The following SLC1A3 variants were observed in gnomAD, a reference collection of about 807,000 sequenced individuals.
The protein encoded by SLC1A3 is solute carrier family 1 member 3, also known as excitatory amino acid transporter 1.
SLC1A3 carries 21 observed loss-of-function variants against 48.1 expected under a neutral mutation model. The ratio of observed to expected loss-of-function variants is 0.44; its 90% confidence interval spans 0.31 to 0.63. SLC1A3 has a LOEUF of 0.63. Ranked by LOEUF, SLC1A3 falls within the 20% of genes least tolerant of loss-of-function variation. SLC1A3 has a pLI of 0.08. For synonymous variants in SLC1A3, 239 were observed against 251.4 expected (o/e 0.95, Z 0.47); for missense variants, 546 against 689.0 (o/e 0.79, Z 2.32).
chr5:36,619,991 T>C (rs1459314204), intron 2 of SLC1A3, among the ~76,000 whole-genome samples: 1 of 152,180 alleles, frequency 6.6e-6, no homozygotes, highest in Admixed American at 6.5e-5. Context: ...CCCATTCCAA[T>C]TGATCTCTCT....
Position 36,646,896 on chromosome 5 carries a change from C to T in SLC1A3, c.319+17309C>T, listed in dbSNP as rs537754911. On this transcript the variant is annotated intron_variant, in intron 3 of 9. Transcript: ENST00000265113. ...TTTTTGCAGGTGTAAGTCATTCCTG[C>T]CTCAGTGGAGTACAAAGAGTGATGT... Among the ~76,000 whole-genome samples the T allele has an allele frequency of 2.6e-5, 4 of 152,254 alleles. No homozygotes were observed. In the South Asian group the frequency reaches 8.3e-4, roughly 32 times the overall value.
intron 3 of SLC1A3, chr5:36,669,828 A>G (rs1407606650): frequency 1.3e-5 from 2 of 152,110 alleles, no homozygotes; most frequent in Non-Finnish European, 2.9e-5. Flanking sequence ...TAGAGTTCAC[A>G]CAAACTCTAA....
In SLC1A3 at chr5:36,600,309, T is replaced by C. The variant is rs116514827; in HGVS notation, c.-96+3631T>C. On this transcript the variant is annotated intron_variant, in intron 1 of 9. Coordinates refer to the SLC1A3 transcript ENST00000680318. ...ATGAGATTTGATTGGAACAAAGGGTTAAAAAAAATTGAAACCCAGACCTCA... is the reference window on the plus strand; with the variant it reads ...ATGAGATTTGATTGGAACAAAGGGTCAAAAAAAATTGAAACCCAGACCTCA... Among the ~76,000 whole-genome samples, 925 of 151,920 alleles carry C rather than the reference T, an allele frequency of 6.1e-3. 12 individuals carry two copies. Among genetic ancestry groups the C allele is most frequent in the African/African-American group, 0.021 (863 of 41,396 alleles).
intron 2 of SLC1A3, chr5:36,608,905 G>T (rs778388846): frequency 2.0e-5 from 22 of 1,090,948 alleles, no homozygotes; most frequent in Non-Finnish European, 2.5e-5. Flanking sequence ...TAATCATTAG[G>T]CATGACAAAG....
intron 3 of SLC1A3, among the ~76,000 whole-genome samples, chr5:36,641,029 T>C (rs1278710881): frequency 6.6e-6 from 1 of 151,788 alleles, no homozygotes; most frequent in Non-Finnish European, 1.5e-5. Context: ...CAAGAGCTGA[T>C]CACTTGAACA....
intron 3 of SLC1A3, among the ~76,000 whole-genome samples, chr5:36,665,333 T>C (rs1314966082): frequency 1.3e-5 from 2 of 152,170 alleles, no homozygotes; most frequent in African/African-American, 4.8e-5. Flanking sequence ...GACACTATGC[T>C]AGGCACTGAG....
chr5:36,626,231 C>T (rs1739898782), intron 2 of SLC1A3, among the ~76,000 whole-genome samples: 1 of 152,122 alleles, frequency 6.6e-6, no homozygotes, highest in Non-Finnish European at 1.5e-5. Context: ...TCAGATGAGA[C>T]TCTGGAAGAT....
At chr5:36,683,150 C>T (rs1580049816) in intron 8 of SLC1A3, among the ~76,000 whole-genome samples, 1 of 152,206 alleles carries the variant, frequency 6.6e-6, no homozygotes, top group South Asian at 2.1e-4. Context: ...CAACCCTCCA[C>T]TTGGATAGGG....
At chr5:36,651,951 T>C (rs1741095655) in intron 3 of SLC1A3, among the ~76,000 whole-genome samples, 1 of 152,184 alleles carries the variant, frequency 6.6e-6, no homozygotes, top group Non-Finnish European at 1.5e-5. Context: ...ATTACACTGC[T>C]TCCCTGAGCA....
At chr5:36,601,486 G>A (rs1001039450), upstream of SLC1A3, among the ~76,000 whole-genome samples, 2 of 152,190 alleles carry the variant, frequency 1.3e-5, no homozygotes, top group South Asian at 4.1e-4. Context: ...ACTGGGAAAG[G>A]AGAGCATGTG....
intron 9 of SLC1A3, among the ~76,000 whole-genome samples, chr5:36,684,405 G>C (rs1221643986): frequency 6.6e-6 from 1 of 152,208 alleles, no homozygotes; most frequent in African/African-American, 2.4e-5. Context: ...ATTCCAGTGG[G>C]AATGATTTTC....
chr5:36,597,233 C>CTTTTTT (rs70976237), intron 1 of SLC1A3, among the ~76,000 whole-genome samples: 4,065 of 46,216 alleles, frequency 0.088, 923 homozygotes, highest in East Asian at 0.13. Context: ...TTCTTCCTTT[C>CTTTTTT]TTTTTTTTTT....
intron 3 of SLC1A3, among the ~76,000 whole-genome samples, chr5:36,632,135 G>A (rs940354025): frequency 4.6e-5 from 7 of 152,280 alleles, no homozygotes; most frequent in Middle Eastern, 3.4e-3. Context: ...GATGATAAAC[G>A]GAGAGGGACC....
At chr5:36,597,188 C>G (rs1230108831) in intron 1 of SLC1A3, among the ~76,000 whole-genome samples, 1 of 140,184 alleles carries the variant, frequency 7.1e-6, no homozygotes, top group Non-Finnish European at 1.5e-5. Context: ...TAATATAAAC[C>G]TATTTTTGAT....
chr5:36,653,636 A>G (rs4869681), intron 3 of SLC1A3, among the ~76,000 whole-genome samples: 126,845 of 152,098 alleles, frequency 0.83, 54,577 homozygotes, highest in Non-Finnish European at 0.94. Context: ...TGGGCCCCTC[A>G]CTTCTGACAC....
At chr5:36,601,397 G>T (rs1738806059) in intron 1 of SLC1A3, among the ~76,000 whole-genome samples, 1 of 152,174 alleles carries the variant, frequency 6.6e-6, no homozygotes, top group African/African-American at 2.4e-5. Context: ...CCCGTTATTG[G>T]CATGACATGA....
Position 36,671,082 on chromosome 5 carries a change from G to A in SLC1A3, c.373G>A (p.Val125Ile), listed in dbSNP as rs756691670. 2 of 1,614,064 alleles carry A rather than the reference G, an allele frequency of 1.2e-6. No individual in the cohort carries two copies. Among genetic ancestry groups the A allele is most frequent in the East Asian group, 2.2e-5 (1 of 44,884 alleles). Residue 125 changes from valine (V) to isoleucine (I), a missense_variant, in exon 4 of 10, where the codon GTC (valine) becomes ATC (isoleucine). Val to Ile is a conservative substitution (Grantham distance 29, BLOSUM62 3). Transcript: ENST00000265113. ...ASGKMGMRAV[V>I]YYMTTTIIAV... ...AGGGAAGATGGGAATGCGAGCTGTAGTCTATTATATGACTACCACCATCAT... is the reference window on the plus strand; with the variant it reads ...AGGGAAGATGGGAATGCGAGCTGTAATCTATTATATGACTACCACCATCAT...
chr5:36,664,413 T>G (rs1037048534), intron 3 of SLC1A3, among the ~76,000 whole-genome samples: 5 of 122,152 alleles, frequency 4.1e-5, no homozygotes, highest in Non-Finnish European at 9.0e-5. Context: ...AATTACAGGT[T>G]TGAGCCACCA....
intron 3 of SLC1A3, among the ~76,000 whole-genome samples, chr5:36,635,365 G>T (rs767955630): frequency 1.3e-5 from 2 of 152,198 alleles, no homozygotes; most frequent in African/African-American, 4.8e-5. Flanking sequence ...TCTTCTGGCG[G>T]TTCCCATTGT....
Sources: allele counts gnomAD v4.1 joint callset (sites outside exome capture counted in the v4.1 genomes callset), GRCh38; gene constraint gnomAD v4.1.1; transcripts MANE v1.5; gene names NCBI Gene and HGNC (gene_info 2026-07-23, HGNC 2026-07-21).